Variants in NUCB1 observed in about 807,000 individuals in gnomAD.
The protein encoded by NUCB1 is nucleobindin-1.
In NUCB1, 47 loss-of-function variants were observed where a neutral mutation model predicts 61.2. The observed-to-expected ratio is 0.77, with a 90% CI of 0.61 to 0.98. The LOEUF (loss-of-function observed/expected upper bound fraction) is 0.98. NUCB1 is among the 50% of genes least tolerant of loss of function. The probability of loss-of-function intolerance (pLI) is 0.00; values close to 1 mark genes in which losing one functional copy is unlikely to be tolerated. For synonymous variants in NUCB1, 234 were observed against 243.1 expected (o/e 0.96, Z 0.35); for missense variants, 583 against 605.3 (o/e 0.96, Z 0.39).
chr19:48,914,365 C>T (rs1185211103), intron 7 of NUCB1, among the ~76,000 whole-genome samples: 1 of 152,024 alleles, frequency 6.6e-6, no homozygotes, highest in Non-Finnish European at 1.5e-5. Flanking sequence ...TTGCCAAGCC[C>T]CCTCAGGTAT....
intron 7 of NUCB1, among the ~76,000 whole-genome samples, chr19:48,915,638 C>A (rs2037530997): frequency 1.3e-5 from 2 of 152,026 alleles, no homozygotes; most frequent in African/African-American, 2.4e-5. Flanking sequence ...TATCTGGGAC[C>A]ACAGGCACGT....
intron 12 of NUCB1, 75 bp from the exon 13 acceptor site, chr19:48,922,243 G>A (rs1298781084): frequency 1.6e-6 from 2 of 1,246,888 alleles, no homozygotes; most frequent in Non-Finnish European, 2.3e-6. Context: ...GAGGGAGGAG[G>A]GGCTGGGCCT....
At chr19:48,908,721 GGT>G (rs57686025) in intron 4 of NUCB1, among the ~76,000 whole-genome samples, 4,179 of 109,238 alleles carry the variant, frequency 0.038, 97 homozygotes, top group South Asian at 0.056. Flanking sequence ...TTGACCAAGG[GGT>G]GTGTGTGTGT....
chr19:48,919,559 C>T (rs1288908987), intron 10 of NUCB1, among the ~76,000 whole-genome samples: 1 of 151,660 alleles, frequency 6.6e-6, no homozygotes, highest in Non-Finnish European at 1.5e-5. Context: ...CTCACTGCAG[C>T]CTCCACCTCC....
intron 3 of NUCB1, 45 bp downstream of exon 3, chr19:48,904,499 A>T (rs2037391312): frequency 1.4e-4 from 145 of 1,068,834 alleles, no homozygotes; most frequent in Non-Finnish European, 1.7e-4. Flanking sequence ...ACGTGCTGGG[A>T]GGGCAGAGTT....
intron 12 of NUCB1, among the ~76,000 whole-genome samples, 181 bp downstream of exon 12, chr19:48,922,113 G>A (rs1296130463): frequency 6.7e-6 from 1 of 149,742 alleles, no homozygotes; most frequent in Non-Finnish European, 1.5e-5. Flanking sequence ...GGGGCTGGGG[G>A]CTGGGACCCC....
At chr19:48,913,968 C>CTTTT (rs767741319) in intron 7 of NUCB1, among the ~76,000 whole-genome samples, 15 of 139,310 alleles carry the variant, frequency 1.1e-4, no homozygotes, top group African/African-American at 3.7e-4. Context: ...TTTCTTTTTC[C>CTTTT]TTTTTTTTTT....
In NUCB1 at chr19:48,923,323, C is replaced by A; in HGVS notation, c.*899C>A. On this transcript the variant is annotated 3_prime_UTR_variant, in exon 13 of 13. Transcript: ENST00000405315. ...GACTGGTCCCTCCAAAACGCTATTG[C>A]CACGTCACCTGCCGGAGTCCTCATC... 1 of 152,348 alleles carries A rather than the reference C, an allele frequency of 6.6e-6. No individual in the cohort carries two copies. Among genetic ancestry groups the A allele is most frequent in the Non-Finnish European group, 1.5e-5 (1 of 68,076 alleles). 9.4% of individuals were successfully genotyped at this position (152,348 alleles called of 1,614,324 possible). A position where few individuals can be genotyped will look rare whatever the true frequency, so the allele number is the denominator to read the frequency against.
intron 10 of NUCB1, 46 bp downstream of exon 10, chr19:48,919,332 T>C (rs2122207758): frequency 7.0e-7 from 1 of 1,423,292 alleles, no homozygotes; most frequent in Non-Finnish European, 9.9e-7. Context: ...CTCTCTCTTC[T>C]AGCCATGACC....
At chr19:48,918,533 G>A in intron 7 of NUCB1, 193 bp from the exon 8 acceptor site, 1 of 609,656 alleles carries the variant, frequency 1.6e-6, no homozygotes, top group Non-Finnish European at 3.0e-6. Context: ...CAACCCCCTG[G>A]TCGCTAGGCA....
chr19:48,914,577 C>T (rs1221453866), intron 7 of NUCB1, among the ~76,000 whole-genome samples: 1 of 152,186 alleles, frequency 6.6e-6, no homozygotes, highest in African/African-American at 2.4e-5. Context: ...TTTAGTAACT[C>T]CACGAGACTG....
chr19:48,921,690 A>G, intron 11 of NUCB1, 137 bp from the exon 12 acceptor site: 1 of 795,600 alleles, frequency 1.3e-6, no homozygotes, highest in South Asian at 1.4e-5. Flanking sequence ...AAAGAGAGAA[A>G]CTGAGGCCCA....
intron 2 of NUCB1, among the ~76,000 whole-genome samples, chr19:48,902,439 A>AGC (rs2037362917): frequency 1.5e-5 from 1 of 65,862 alleles, no homozygotes; most frequent in Admixed American, 1.7e-4. Flanking sequence ...TTTTTTTTTT[A>AGC]TTTTTGCTGT....
At chr19:48,921,780 T>C in intron 11 of NUCB1, 47 bp from the exon 12 acceptor site, 1 of 1,576,530 alleles carries the variant, frequency 6.3e-7, no homozygotes, top group Non-Finnish European at 8.7e-7. Context: ...GCACTTGCAA[T>C]GCCAGCATCA....
At chr19:48,912,990 T>TGACC in intron 5 of NUCB1, 21 bp from the exon 6 acceptor site, 1 of 1,576,512 alleles carries the variant, frequency 6.3e-7, no homozygotes. Context: ...CAGAGGGGAA[T>TGACC]GACCCTGTGC....
rs1398535448 is a variant in NUCB1 at position 48,919,156 on chromosome 19, C to T, written c.909+34C>T. The T allele has an allele frequency of 5.0e-6, 8 of 1,613,012 alleles. No individual in the cohort carries two copies. In the African/African-American group the frequency reaches 9.3e-5, roughly 19 times the overall value. Reference sequence around the variant, plus strand: ...GGGGCCAGGCGGGGGAGAGGACGGGCCCCCAGCTCTGTCACTCACCCTTAT... The same window carrying T: ...GGGGCCAGGCGGGGGAGAGGACGGGTCCCCAGCTCTGTCACTCACCCTTAT... On this transcript the variant is annotated intron_variant, in intron 9 of 12. Transcript: ENST00000405315.
chr19:48,904,801 C>T (rs1282596007), intron 3 of NUCB1, among the ~76,000 whole-genome samples: 1 of 152,148 alleles, frequency 6.6e-6, no homozygotes, highest in Non-Finnish European at 1.5e-5. Context: ...GGATTACAGG[C>T]ATGAGCCACC....
At chr19:48,919,782 TTTC>T (rs141083842) in intron 10 of NUCB1, among the ~76,000 whole-genome samples, 34,291 of 95,278 alleles carry the variant, frequency 0.36, 5,330 homozygotes, top group East Asian at 0.57. Flanking sequence ...TTTTTTTTTT[TTTC>T]TGAAACAGGG....
At chr19:48,909,047 T>C (rs1203795957) in intron 4 of NUCB1, among the ~76,000 whole-genome samples, 4 of 151,974 alleles carry the variant, frequency 2.6e-5, no homozygotes, top group Admixed American at 1.3e-4. Flanking sequence ...GACTGTCTCA[T>C]GGCCTGCAGT....
Sources: gnomAD v4.1 joint callset for allele counts (sites outside exome capture counted in the v4.1 genomes callset) on GRCh38, gnomAD v4.1.1 for gene constraint, MANE v1.5 for transcripts, NCBI Gene and HGNC (gene_info 2026-07-23, HGNC 2026-07-21) for gene names.